Variants in MUC6 observed in about 807,000 individuals in gnomAD.
The protein encoded by MUC6 is mucin 6, oligomeric mucus/gel-forming (gene/pseudogene), also known as mucin-6.
Under a neutral mutation model 201.5 loss-of-function variants are expected in MUC6, and 188 were observed. The ratio of observed to expected loss-of-function variants is 0.93; its 90% CI spans 0.83 to 1.05. MUC6 has a LOEUF of 1.05. MUC6 is among the 50% of genes least tolerant of loss of function. The pLI is 0.00. For missense variants in MUC6, 2,706 were observed against 3,256.9 expected (o/e 0.83, Z 4.12); for synonymous variants, 1,228 against 1,389.4 (o/e 0.88, Z 2.58).
chr11:1,016,574 C>T lies in MUC6; in HGVS notation c.6227G>A (p.Ser2076Asn), dbSNP rs200997780. The change falls in exon 31 of 33, where the codon AGC (serine) becomes AAC (asparagine). Residue 2076 changes from serine to asparagine, a missense_variant. Ser to Asn is a conservative substitution (Grantham distance 46). Coordinates refer to ENST00000421673, the MANE Select transcript of MUC6 (RefSeq NM_005961.3). ...AGAGGCTGTAGCTGTGCTGAATGAG[C>T]TGTGGGTTTGGCTGGTCCCACTGGT... Reference protein sequence around the residue: ...VTTSGTSQTHSSFSTATASSS... With the variant: ...VTTSGTSQTHNSFSTATASSS... 8.1e-5 allele frequency: 129 copies of T among 1,589,692 alleles called. No homozygotes were observed. Among genetic ancestry groups the T allele is most frequent in the Non-Finnish European group, 1.1e-4 (124 of 1,169,696 alleles).
chr11:1,029,461 G>A (rs372196012), intron 9 of MUC6, 34 bp downstream of exon 9: 13 of 1,609,204 alleles, frequency 8.1e-6, no homozygotes, highest in African/African-American at 4.0e-5. Flanking sequence ...AACCCCTGCC[G>A]GCCGGCCAGA....
rs201108604 is a variant in MUC6, at chr11:1,020,722, G to A, written c.3602C>T (p.Thr1201Met). 255 of 1,613,074 alleles carry A rather than the reference G, an allele frequency of 1.6e-4. No homozygotes were observed. Among genetic ancestry groups the A allele is most frequent in the South Asian group, 2.6e-4 (24 of 91,064 alleles). ...GVCVPCMPPTTPQPPTTPQLP... is the reference protein window; with the variant it reads ...GVCVPCMPPTMPQPPTTPQLP... ...CTGCGGCGTGGTGGGTGGCTGCGGCGTGGTGGGCGGCACTGCAAGAAGATG... is the reference window on the plus strand; with the variant it reads ...CTGCGGCGTGGTGGGTGGCTGCGGCATGGTGGGCGGCACTGCAAGAAGATG... The change falls in exon 28 of 33, where the codon ACG becomes ATG. Residue 1201 changes from threonine (T) to methionine (M), a missense_variant. Transcript: ENST00000421673.
Position 1,019,575 on chromosome 11 carries a change from G to T in MUC6, c.3809-79C>A, listed in dbSNP as rs1655477339. 18 of 1,327,356 alleles carry T rather than the reference G, an allele frequency of 1.4e-5. No individual in the cohort carries two copies. In the Admixed American group the frequency reaches 3.1e-4, roughly 23 times the overall value. The allele number at this position is 1,327,356 out of a possible 1,614,324, so 82.2% of individuals were successfully genotyped here. A position where few individuals can be genotyped will look rare whatever the true frequency, so the allele number is the denominator to read the frequency against. On this transcript the variant is annotated intron_variant, in intron 29 of 32. Transcript: ENST00000421673. ...GGCTTGTGTCCCAGCCCCCTGCCCT[G>T]CTTCTGGGATCCCTGGCCTGCTGTC...
Position 1,024,920 on chromosome 11 carries a change from T to C in MUC6, c.3149A>G (p.Asn1050Ser), listed in dbSNP as rs1339841119. 3 of 1,612,866 alleles carry C rather than the reference T, an allele frequency of 1.9e-6. No individual in the cohort carries two copies. The highest frequency in any genetic ancestry group is 2.2e-5 in the South Asian group (2 of 91,084). ...CTCGGCCCAGGAGCGCCGGAAGGCA[T>C]TGAGACTGCAGGGGTCTGTCACGAA... is the stretch of plus-strand genomic sequence containing the variant. ...VSFVTDPCSL[N>S]AFRRSWAERK... The change falls in exon 24 of 33, where the codon AAT becomes AGT. Residue 1050 changes from asparagine to serine, a missense_variant. Physicochemically the swap from Asn to Ser is conservative, Grantham distance 46. Coordinates refer to ENST00000421673, the MANE Select transcript of MUC6 (RefSeq NM_005961.3).
In MUC6 at chr11:1,020,123, G is replaced by A; in HGVS notation, c.3775C>T (p.Leu1259Phe). Residue 1259 changes from leucine to phenylalanine, a missense_variant, in exon 29 of 33, where the codon CTC becomes TTC. This residue lies in a region of MUC6 where 1,850 missense variants were observed against 1,958.3 expected (regional missense o/e 0.94). Coordinates refer to ENST00000421673, the MANE Select transcript of MUC6 (RefSeq NM_005961.3). ...PTQTPLLPAT[L>F]TSSKPTASSG... ...GAGGCTGTGGGCTTGGAGGATGTGA[G>A]CGTGGCTGGAAGGAGGGGTGTCTGG... 1 of 1,613,556 alleles carries A rather than the reference G, an allele frequency of 6.2e-7. No homozygotes were observed. The highest frequency in any genetic ancestry group is 2.2e-5 in the East Asian group (1 of 44,868).
At position 1,030,714 on chromosome 11, in the gene MUC6, C is replaced by T. The variant is rs1042483786; in HGVS notation, c.751G>A (p.Val251Met). ...PECSVSKEPF[V>M]LSCQADVAAA... ...GCCACGTCCGCCTGGCAGCTTAGCA[C>T]GAAGGGCTCCTTGGACACGCTGCAC... Residue 251 changes from valine to methionine, a missense_variant, in exon 7 of 33, where the codon GTG becomes ATG. Physicochemically the swap from Val to Met is conservative, Grantham distance 21. This residue lies in a region of MUC6 where 1,850 missense variants were observed against 1,958.3 expected (regional missense o/e 0.94). Transcript: ENST00000421673. 17 of 1,546,278 alleles carry T rather than the reference C, an allele frequency of 1.1e-5. No homozygotes were observed. The highest frequency in any genetic ancestry group is 2.4e-5 in the East Asian group (1 of 41,118).
At position 1,031,188 on chromosome 11, in the gene MUC6, G is replaced by A; in HGVS notation, c.555C>T (p.Asn185=). 4.6e-6 allele frequency: 7 copies of A among 1,536,340 alleles called. No individual in the cohort carries two copies. Among genetic ancestry groups the A allele is most frequent in the East Asian group, 2.5e-5 (1 of 40,260 alleles). Residue 185 remains asparagine (N), a synonymous_variant, in exon 5 of 33, where the codon AAC becomes AAT. Transcript: ENST00000421673. ...ACCTACCCTCCTCACTGACAAACTC[G>A]TTGGTCACCTTCCCGTCAAAGTTCC... is the stretch of plus-strand genomic sequence containing the variant. ...LCGNFDGKVT[N]EFVSEEGKFL...
rs1232816153 is a variant in MUC6 at position 1,026,082 on chromosome 11, G to A, written c.2606C>T (p.Thr869Ile). The A allele has an allele frequency of 6.3e-7, 1 of 1,599,454 alleles. No homozygotes were observed. The highest frequency in any genetic ancestry group is 8.5e-7 in the Non-Finnish European group (1 of 1,173,734). ...GATGACGTGGCCCTCCCCGTAGAGG[G>A]TGCAGGTGGATGGGCAGTGGGTGCC... The part of the protein sequence containing the change: ...QQGTHCPSTC[T>I]LYGEGHVITF... Residue 869 changes from threonine to isoleucine, a missense_variant, in exon 21 of 33, where the codon ACC (threonine) becomes ATC (isoleucine). Physicochemically the swap from Thr to Ile is moderately conservative, Grantham distance 89 (BLOSUM62 -1). Transcript: ENST00000421673.
In MUC6 at chr11:1,015,798, C is replaced by A. The variant is rs745329337; in HGVS notation, c.7003G>T (p.Val2335Leu). The A allele has an allele frequency of 4.4e-5, 69 of 1,552,380 alleles. No individual in the cohort carries two copies. Among genetic ancestry groups the A allele is most frequent in the Middle Eastern group, 3.5e-4 (2 of 5,776 alleles). The change falls in exon 31 of 33, where the codon GTA (valine) becomes TTA (leucine). Residue 2335 changes from valine to leucine, a missense_variant. Val to Leu is a conservative substitution (Grantham distance 32). Around this residue, in one of 10 missense-constraint regions of MUC6, gnomAD observed 586 missense variants for 488.0 expected, o/e 1.20. Transcript: ENST00000421673. ...GGCGTAGGTGTCCCGAGAGAAGATA[C>A]CGGGGCAGAAGCAGGGGTGCTTCCA... ...AHGSTPASAP[V>L]SSLGTPTPTS...
chr11:1,025,893 G>T lies in MUC6; in HGVS notation c.2711C>A (p.Ser904Ter), dbSNP rs199821404. ...TGTCAGGATCTTGAAGGTGGGCTGT[G>T]AGTCGTTGACACCACAGACGTCCTG... ...LATDVCGVNDSQPTFKILTEN... is the reference protein window; with the variant it reads ...LATDVCGVND The change falls in exon 22 of 33, where the codon TCA (serine) becomes TAA (stop). Residue 904 changes from serine to a stop codon, truncating the protein, a stop_gained. Transcript: ENST00000421673. LOFTEE classifies it high-confidence loss of function. The T allele has an allele frequency of 1.4e-4, 222 of 1,611,908 alleles. No homozygotes were observed. The highest frequency in any genetic ancestry group is 1.8e-4 in the Non-Finnish European group (209 of 1,179,414).
intron 1 of MUC6, among the ~76,000 whole-genome samples, chr11:1,035,385 C>A (rs1487977764): frequency 1.3e-5 from 2 of 152,182 alleles, no homozygotes; most frequent in Admixed American, 1.3e-4. Flanking sequence ...TGGCACTTGT[C>A]CCCAAGCTGT....
In MUC6 at chr11:1,028,642, T is replaced by A; in HGVS notation, c.1591+4A>T. On this transcript the variant is annotated splice_donor_region_variant and intron_variant, in intron 13 of 32. Coordinates refer to ENST00000421673, the MANE Select transcript of MUC6 (RefSeq NM_005961.3). ...CAGGGCCACCTGGAGAGGCAGGGACTCACCTCTGGTCTGACCTCTGAACTG... is the reference window on the plus strand; with the variant it reads ...CAGGGCCACCTGGAGAGGCAGGGACACACCTCTGGTCTGACCTCTGAACTG... The A allele has an allele frequency of 2.5e-6, 4 of 1,606,740 alleles. No homozygotes were observed. Among genetic ancestry groups the A allele is most frequent in the Middle Eastern group, 1.7e-4 (1 of 6,050 alleles).
Position 1,018,610 on chromosome 11 carries a change from G to T in MUC6, c.4191C>A (p.Tyr1397Ter). 1 of 1,613,608 alleles carries T rather than the reference G, an allele frequency of 6.2e-7. No homozygotes were observed. The highest frequency in any genetic ancestry group is 8.5e-7 in the Non-Finnish European group (1 of 1,179,746). ...TGGTGTGTGGGGTTTGGGGCGTTGTGTATTCAGTAGTCGTTCTTGTTTGAG... is the reference window on the plus strand; with the variant it reads ...TGGTGTGTGGGGTTTGGGGCGTTGTTTATTCAGTAGTCGTTCTTGTTTGAG... ...ETTQTRTTTE[Y>*]TTPQTPHTTH... The change falls in exon 31 of 33, where the codon TAC becomes TAA. Residue 1397 changes from tyrosine (Y) to a stop codon, truncating the protein, a stop_gained. Transcript: ENST00000421673. LOFTEE classifies it high-confidence loss of function.
At chr11:1,015,652 G>C (rs560520523) in intron 31 of MUC6, 110 bp downstream of exon 31, 8 of 1,451,226 alleles carry the variant, frequency 5.5e-6, no homozygotes, top group Non-Finnish European at 7.3e-6. Flanking sequence ...GGGAACAGGC[G>C]TGTGGTCCTG....
intron 25 of MUC6, 70 bp from the exon 26 acceptor site, chr11:1,023,722 C>G: frequency 6.3e-7 from 1 of 1,583,536 alleles, no homozygotes; most frequent in South Asian, 1.2e-5. Context: ...GGTGGTTCCC[C>G]TGGGCATGCA....
Position 1,028,930 on chromosome 11 carries a change from A to C in MUC6, c.1412T>G (p.Val471Gly). 6.2e-7 allele frequency: 1 copy of C among 1,612,952 alleles called. No homozygotes were observed. The highest frequency in any genetic ancestry group is 8.5e-7 in the Non-Finnish European group (1 of 1,179,874). ...CCACTTGGCTTCTCCGTTGTTGGTG[A>C]CCACCTCGTCCTGAGAGATCACAAT... ...DKIVISQDEV[V>G]TNNGEAKWLP... The change falls in exon 12 of 33, where the codon GTC (valine) becomes GGC (glycine). Residue 471 changes from valine to glycine, a missense_variant. Val to Gly is a moderately radical substitution (Grantham distance 109). Around this residue, in one of 10 missense-constraint regions of MUC6, gnomAD observed 1,850 missense variants for 1,958.3 expected, o/e 0.94. Coordinates refer to ENST00000421673, the MANE Select transcript of MUC6 (RefSeq NM_005961.3).
chr11:1,014,074 A>G (rs1460684106), intron 31 of MUC6, 73 bp from the exon 32 acceptor site: 1 of 1,334,638 alleles, frequency 7.5e-7, no homozygotes, highest in Non-Finnish European at 1.0e-6. Flanking sequence ...CCCTGGCTAG[A>G]GACCGGGGTC....
At chr11:1,035,683 C>T (rs1010998957) in intron 1 of MUC6, among the ~76,000 whole-genome samples, 2 of 151,922 alleles carry the variant, frequency 1.3e-5, no homozygotes, top group Admixed American at 6.5e-5. Context: ...AGTGGGACAC[C>T]CCTGGGGGGG....
chr11:1,019,771 A>G (rs1386966867), intron 29 of MUC6: 7 of 616,500 alleles, frequency 1.1e-5, no homozygotes, highest in South Asian at 5.9e-5. Flanking sequence ...TGTCCCCTCC[A>G]GGGTCCCTGG....
Sources: gnomAD v4.1 joint callset for allele counts (sites outside exome capture counted in the v4.1 genomes callset) on GRCh38, gnomAD v4.1.1 for gene constraint, gnomAD v4.1.1 regional missense constraint, MANE v1.5 for transcripts, NCBI Gene and HGNC (gene_info 2026-07-23, HGNC 2026-07-21) for gene names.